SYTL3: variants seen among roughly 807,000 people sequenced by gnomAD.
SYTL3 encodes synaptotagmin-like protein 3.
SYTL3 carries 88 observed loss-of-function variants against 82.1 expected under a neutral mutation model. The observed-to-expected ratio is 1.07, with a 90% CI of 0.90 to 1.28. The LOEUF (loss-of-function observed/expected upper bound fraction) is 1.28. Ranked by LOEUF, SYTL3 falls within the 50% of genes most tolerant of loss-of-function variation. The pLI, the probability that SYTL3 is intolerant of heterozygous loss-of-function variation, is 0.00. For synonymous variants in SYTL3, 311 were observed against 289.4 expected (o/e 1.07, Z -0.76); for missense variants, 831 against 757.6 (o/e 1.10, Z -1.14).
At chr6:158,646,858 A>C (rs1787508391), upstream of SYTL3, among the ~76,000 whole-genome samples, 1 of 151,942 alleles carries the variant, frequency 6.6e-6, no homozygotes, top group African/African-American at 2.4e-5. Context: ...ATCACCTGAG[A>C]TCTCGTTTTG....
At chr6:158,682,779 A>G in intron 5 of SYTL3, 146 bp from the exon 6 acceptor site, 1 of 619,328 alleles carries the variant, frequency 1.6e-6, no homozygotes, top group Non-Finnish European at 2.9e-6. Flanking sequence ...GGAATCTGTA[A>G]ATTTAAGTGT....
chr6:158,736,434 T>C (rs1786177087), intron 11 of SYTL3, among the ~76,000 whole-genome samples: 1 of 152,114 alleles, frequency 6.6e-6, no homozygotes, highest in Non-Finnish European at 1.5e-5. Flanking sequence ...ATTCTAACTG[T>C]ATAAATTTCA....
chr6:158,725,682 T>C (rs775850983), intron 11 of SYTL3, 45 bp downstream of exon 11: 1 of 1,595,718 alleles, frequency 6.3e-7, no homozygotes, highest in Non-Finnish European at 8.5e-7. Flanking sequence ...TTGTTTTTTG[T>C]TTTTTTGGAA....
chr6:158,675,875 G>A (rs1323920405), intron 5 of SYTL3, among the ~76,000 whole-genome samples: 13 of 152,114 alleles, frequency 8.5e-5, no homozygotes, highest in Admixed American at 4.6e-4. Flanking sequence ...GCGTGAACCC[G>A]GGAGGCGGAG....
At chr6:158,657,876 C>CT (rs35114756) in intron 2 of SYTL3, among the ~76,000 whole-genome samples, 98,010 of 146,012 alleles carry the variant, frequency 0.67, 33,008 homozygotes, top group African/African-American at 0.79. Flanking sequence ...AGTTGCATTT[C>CT]TTTTTTTTTT....
At chr6:158,650,209 A>G (rs1205753469) in intron 1 of SYTL3, 131 bp downstream of exon 1, 3 of 152,230 alleles carry the variant, frequency 2.0e-5, no homozygotes, top group African/African-American at 7.2e-5. Flanking sequence ...AACAAAACAT[A>G]ATAAATTAGA....
chr6:158,649,616 A>G (rs575799830), upstream of SYTL3, among the ~76,000 whole-genome samples: 3 of 152,354 alleles, frequency 2.0e-5, no homozygotes, highest in East Asian at 1.9e-4. Context: ...TTTCATTACA[A>G]TCTTCATCGC....
At chr6:158,755,108 T>C (rs915212568) in intron 13 of SYTL3, among the ~76,000 whole-genome samples, 10 of 152,166 alleles carry the variant, frequency 6.6e-5, no homozygotes, top group African/African-American at 2.4e-4. Flanking sequence ...TTTGAGAGGC[T>C]GAGACGGGTG....
chr6:158,757,336 A>G lies in SYTL3; in HGVS notation c.1263A>G (p.Glu421=). ...VIIPLATWDF[E]DSTTQSFRWH... is the part of the protein sequence containing the mutation. ...TTCCTCTGGCCACGTGGGACTTTGAAGACAGCACAACACAGTCCTTCCGCT... is the reference window on the plus strand; with the variant it reads ...TTCCTCTGGCCACGTGGGACTTTGAGGACAGCACAACACAGTCCTTCCGCT... Residue 421 remains glutamate (E), a synonymous_variant, in exon 14 of 18, where the codon GAA becomes GAG. Transcript: ENST00000611299. 1 of 1,614,006 alleles carries G rather than the reference A, an allele frequency of 6.2e-7. No individual in the cohort carries two copies. The highest frequency in any genetic ancestry group is 8.5e-7 in the Non-Finnish European group (1 of 1,179,972).
chr6:158,646,043 T>C (rs1349389926), upstream of SYTL3, among the ~76,000 whole-genome samples: 1 of 152,260 alleles, frequency 6.6e-6, no homozygotes, highest in East Asian at 1.9e-4. Flanking sequence ...CTAAGTACCA[T>C]GCAGGAAGGA....
At chr6:158,689,379 A>G (rs1779617563) in intron 6 of SYTL3, among the ~76,000 whole-genome samples, 3 of 152,234 alleles carry the variant, frequency 2.0e-5, no homozygotes, top group Admixed American at 6.5e-5. Flanking sequence ...CTCATCACGA[A>G]TAAGATTGAG....
chr6:158,711,532 T>C (rs1315432996), intron 8 of SYTL3, among the ~76,000 whole-genome samples: 1 of 152,312 alleles, frequency 6.6e-6, no homozygotes, highest in Non-Finnish European at 1.5e-5. Flanking sequence ...GGAAAGCTGA[T>C]GGTGTTGTTA....
Position 158,753,924 on chromosome 6 carries a change from GCAAA to G in SYTL3, c.1137+1895_1137+1898del, listed in dbSNP as rs1463019122. On this transcript the variant is annotated intron_variant, in intron 13 of 17. Transcript: ENST00000611299. ...TCGGCATCTCTAATTGATCCTAAAT[GCAAA>G]ATAACCCAACACCGGCCAGCCTCAT... 1.8e-4 allele frequency among the ~76,000 whole-genome samples: 27 copies of G among 151,838 alleles called. 1 individual carries two copies. Among genetic ancestry groups the G allele is most frequent in the East Asian group, 1.7e-3 (9 of 5,170 alleles).
chr6:158,747,153 A>G (rs1475690552), intron 12 of SYTL3, among the ~76,000 whole-genome samples: 1 of 151,298 alleles, frequency 6.6e-6, no homozygotes, highest in African/African-American at 2.4e-5. Flanking sequence ...CACCTGGCTA[A>G]TTTTTGTATC....
In SYTL3 at chr6:158,693,844, C is replaced by CTTTTACTTTT. The variant is rs763990639; in HGVS notation, c.394+10859_394+10860insACTTTTTTTT. On this transcript the variant is annotated intron_variant, in intron 6 of 17. Transcript: ENST00000611299. The stretch of plus-strand genomic sequence containing the variant: ...AGGTGTGCCACTGCATCCAGCCTTT[C>CTTTTACTTTT]TTTTTCTTTTCTTTTTTTTTTTTTT... 3.1e-3 allele frequency among the ~76,000 whole-genome samples: 173 copies of CTTTTACTTTT among 55,554 alleles called. 5 individuals carry two copies. The highest frequency in any genetic ancestry group is 0.017 in the Middle Eastern group (2 of 116). The allele number at this position is 55,554 out of a possible 152,430, so 36.4% of individuals were successfully genotyped here.
At chr6:158,749,218 C>G (rs1395399789) in intron 12 of SYTL3, among the ~76,000 whole-genome samples, 2 of 132,704 alleles carry the variant, frequency 1.5e-5, no homozygotes, top group African/African-American at 5.9e-5. Context: ...GAGTGAGACT[C>G]CCTCTCATTA....
At position 158,757,324 on chromosome 6, in the gene SYTL3, G is replaced by A. The variant is rs772011713; in HGVS notation, c.1251G>A (p.Thr417=). ...FLGEVIIPLA[T]WDFEDSTTQS... is the part of the protein sequence containing the mutation. Reference sequence around the variant, plus strand: ...GAGAAGTGATCATTCCTCTGGCCACGTGGGACTTTGAAGACAGCACAACAC... The same window carrying A: ...GAGAAGTGATCATTCCTCTGGCCACATGGGACTTTGAAGACAGCACAACAC... Residue 417 remains threonine (T), a synonymous_variant, in exon 14 of 18, where the codon ACG becomes ACA. Transcript: ENST00000611299. The A allele has an allele frequency of 5.1e-5, 83 of 1,614,070 alleles. 1 individual carries two copies. The highest frequency in any genetic ancestry group is 1.1e-4 in the African/African-American group (8 of 75,044).
intron 6 of SYTL3, among the ~76,000 whole-genome samples, chr6:158,699,373 G>A (rs1219867188): frequency 6.6e-6 from 1 of 152,224 alleles, no homozygotes; most frequent in Admixed American, 6.5e-5. Flanking sequence ...CCATGACAGA[G>A]CCCAGTTTGA....
chr6:158,754,539 T>G, intron 13 of SYTL3, among the ~76,000 whole-genome samples: 1 of 152,086 alleles, frequency 6.6e-6, no homozygotes, highest in East Asian at 1.9e-4. Flanking sequence ...GCTAACACGG[T>G]GAAACCCCGT....
Sources: gnomAD v4.1 joint callset for allele counts (sites outside exome capture counted in the v4.1 genomes callset) on GRCh38, gnomAD v4.1.1 for gene constraint, MANE v1.5 for transcripts, NCBI Gene and HGNC (gene_info 2026-07-23, HGNC 2026-07-21) for gene names.